Variants in VCF2 observed in about 807,000 individuals in gnomAD.
The protein encoded by VCF2 is VCP nuclear cofactor family member 2, also known as protein VCF2.
At chrX:55,161,098 T>G in the VCF2 span, 1 of 1,204,815 alleles carries the variant, frequency 8.3e-7, no homozygotes, top group African/African-American at 1.8e-5. Flanking sequence ...GGACCAGAGC[T>G]CGGACTGGTA....
At chrX:55,150,949 G>A in the VCF2 span, among the ~76,000 whole-genome samples, 344 of 111,801 alleles carry the variant, frequency 3.1e-3, 1 homozygote, top group African/African-American at 0.011. Flanking sequence ...AGAAACTTTT[G>A]TTTCTGAATT....
At chrX:55,143,627 C>T in the VCF2 span, 1 of 400,503 alleles carries the variant, frequency 2.5e-6, no homozygotes. Context: ...CATCCAGGAC[C>T]AAAGTAAGTC....
chrX:55,152,181 G>A, the VCF2 span, among the ~76,000 whole-genome samples: 7 of 111,451 alleles, frequency 6.3e-5, no homozygotes, highest in Non-Finnish European at 9.4e-5. Flanking sequence ...GTGAGCCACC[G>A]TGCCCGGCCA....
At chrX:55,154,059 T>C in the VCF2 span, among the ~76,000 whole-genome samples, 1 of 112,425 alleles carries the variant, frequency 8.9e-6, no homozygotes, top group Non-Finnish European at 1.9e-5. Flanking sequence ...TTGCTTTTGA[T>C]GGTGTATGGT....
chrX:55,155,941 CTTTTTTT>C, the VCF2 span, among the ~76,000 whole-genome samples: 5 of 50,529 alleles, frequency 9.9e-5, no homozygotes, highest in African/African-American at 2.7e-4. Flanking sequence ...TCTTCTTCTT[CTTTTTTT>C]TTTTTTTTTT....
the VCF2 span, among the ~76,000 whole-genome samples, chrX:55,156,241 T>C: frequency 8.9e-6 from 1 of 111,854 alleles, no homozygotes; most frequent in African/African-American, 3.2e-5. Flanking sequence ...CGTGAGCCAC[T>C]GCGCCTGGCC....
the VCF2 span, among the ~76,000 whole-genome samples, chrX:55,158,670 T>G: frequency 2.7e-5 from 3 of 111,564 alleles, no homozygotes; most frequent in Non-Finnish European, 5.7e-5. Flanking sequence ...TGTACAACTA[T>G]TCTATATCAA....
chrX:55,157,364 C>T, the VCF2 span, among the ~76,000 whole-genome samples: 1 of 111,753 alleles, frequency 8.9e-6, no homozygotes, highest in East Asian at 2.8e-4. Flanking sequence ...AAAACCCCAC[C>T]TCTACTAAAA....
the VCF2 span, chrX:55,143,812 ATTGAGTT>A: frequency 8.3e-7 from 1 of 1,207,669 alleles, no homozygotes; most frequent in Non-Finnish European, 1.1e-6. Flanking sequence ...GCTGTGAAGT[ATTGAGTT>A]TTATTTCAGG....
the VCF2 span, among the ~76,000 whole-genome samples, chrX:55,160,288 G>A: frequency 7.1e-5 from 8 of 112,538 alleles, no homozygotes; most frequent in Admixed American, 6.5e-4. Context: ...TAGGGAGCAT[G>A]GTGATGTTTG....
the VCF2 span, chrX:55,160,789 T>C: frequency 1.8e-5 from 20 of 1,128,670 alleles, no homozygotes; most frequent in South Asian, 2.9e-4. Flanking sequence ...CAGAATGCTA[T>C]TGTCCACTGA....
At chrX:55,146,118 T>C in the VCF2 span, 1 of 1,211,262 alleles carries the variant, frequency 8.3e-7, no homozygotes, top group Non-Finnish European at 1.1e-6. Flanking sequence ...CTGCAGGCTG[T>C]TGAAGTGAGC....
the VCF2 span, among the ~76,000 whole-genome samples, chrX:55,160,225 C>T: frequency 2.7e-5 from 3 of 112,396 alleles, no homozygotes; most frequent in South Asian, 3.7e-4. Flanking sequence ...GGCACTCCTC[C>T]AGGTGCCAGG....
the VCF2 span, among the ~76,000 whole-genome samples, chrX:55,160,159 C>G: frequency 9.0e-6 from 1 of 111,713 alleles, no homozygotes; most frequent in Non-Finnish European, 1.9e-5. Flanking sequence ...GAAAAAATGA[C>G]CGGGTGTAAA....
chrX:55,156,789 C>T, the VCF2 span, among the ~76,000 whole-genome samples: 1 of 111,218 alleles, frequency 9.0e-6, no homozygotes. Flanking sequence ...ATACAACTCA[C>T]CTTGTTTCAA....
At chrX:55,148,045 T>C in the VCF2 span, among the ~76,000 whole-genome samples, 1 of 110,885 alleles carries the variant, frequency 9.0e-6, no homozygotes, top group East Asian at 2.8e-4. Flanking sequence ...ACAATAATGA[T>C]ATATCATTCT....
At chrX:55,158,005 G>C in the VCF2 span, among the ~76,000 whole-genome samples, 2 of 112,354 alleles carry the variant, frequency 1.8e-5, no homozygotes, top group Non-Finnish European at 3.8e-5. Context: ...ATGGTTGAAA[G>C]AAAATATTCC....
At chrX:55,148,347 T>C in the VCF2 span, among the ~76,000 whole-genome samples, 1 of 110,500 alleles carries the variant, frequency 9.0e-6, no homozygotes, top group Non-Finnish European at 1.9e-5. Context: ...TATTTTCTTA[T>C]TTAAAAGAAA....
At chrX:55,159,074 G>C in the VCF2 span, 1 of 946,097 alleles carries the variant, frequency 1.1e-6, no homozygotes, top group Non-Finnish European at 1.5e-6. Flanking sequence ...GCACAAATTG[G>C]ATAATTTAGT....
Sources: gnomAD v4.1 joint callset for allele counts (sites outside exome capture counted in the v4.1 genomes callset) on GRCh38, gnomAD v4.1.1 for gene constraint, MANE v1.5 for transcripts, NCBI Gene and HGNC (gene_info 2026-07-23, HGNC 2026-07-21) for gene names.